TMEM132D: variants seen among roughly 807,000 people sequenced by gnomAD.
TMEM132D encodes transmembrane protein 132D.
Under a neutral mutation model 62.3 loss-of-function variants are expected in TMEM132D, and 21 were observed. The ratio of observed to expected loss-of-function variants is 0.34; its 90% CI spans 0.24 to 0.49. The LOEUF is 0.49. TMEM132D is among the 20% of genes least tolerant of loss of function. The pLI is 0.99. For missense variants in TMEM132D, 1,346 were observed against 1,402.8 expected (o/e 0.96, Z 0.65); for synonymous variants, 621 against 575.6 (o/e 1.08, Z -1.13).
At chr12:129,714,677 T>G (rs1335982378) in intron 1 of TMEM132D, among the ~76,000 whole-genome samples, 2 of 152,212 alleles carry the variant, frequency 1.3e-5, no homozygotes, top group Non-Finnish European at 2.9e-5. Flanking sequence ...AACATCACAC[T>G]GTACATTGTA....
chr12:129,268,168 G>T (rs1317249386), intron 4 of TMEM132D, among the ~76,000 whole-genome samples: 4 of 152,170 alleles, frequency 2.6e-5, no homozygotes, highest in South Asian at 2.1e-4. Flanking sequence ...GGCAACCAAA[G>T]CCAAAATTGA....
chr12:129,438,408 A>T (rs1259541613), intron 3 of TMEM132D, among the ~76,000 whole-genome samples: 1 of 152,222 alleles, frequency 6.6e-6, no homozygotes, highest in African/African-American at 2.4e-5. Context: ...TGTGTTGTAT[A>T]TTCATATAAT....
At chr12:129,472,987 C>T (rs1212133973) in intron 3 of TMEM132D, among the ~76,000 whole-genome samples, 22 of 151,950 alleles carry the variant, frequency 1.4e-4, no homozygotes. Flanking sequence ...GCCTCAGCCT[C>T]CTGAGCAGCT....
chr12:129,368,519 T>C (rs1870496502), intron 3 of TMEM132D, among the ~76,000 whole-genome samples: 1 of 152,186 alleles, frequency 6.6e-6, no homozygotes, highest in South Asian at 2.1e-4. Flanking sequence ...TCTCTCTCCC[T>C]CTCTCCCTCC....
At chr12:129,484,019 G>T (rs1310976232) in intron 3 of TMEM132D, among the ~76,000 whole-genome samples, 2 of 152,008 alleles carry the variant, frequency 1.3e-5, no homozygotes, top group Admixed American at 1.3e-4. Context: ...ACTCAGGCTG[G>T]AGTGCCATGG....
intron 2 of TMEM132D, among the ~76,000 whole-genome samples, chr12:129,658,619 T>C (rs561645582): frequency 6.6e-6 from 1 of 152,282 alleles, no homozygotes; most frequent in African/African-American, 2.4e-5. Flanking sequence ...TAGAGTATAA[T>C]GGGAGTGACA....
At chr12:129,347,403 C>T (rs1869722511) in intron 3 of TMEM132D, among the ~76,000 whole-genome samples, 1 of 152,126 alleles carries the variant, frequency 6.6e-6, no homozygotes, top group Non-Finnish European at 1.5e-5. Context: ...GAAATAACAC[C>T]ACACATCTAC....
intron 5 of TMEM132D, among the ~76,000 whole-genome samples, chr12:129,161,988 AT>A (rs1460205844): frequency 3.3e-5 from 5 of 152,096 alleles, no homozygotes; most frequent in Non-Finnish European, 5.9e-5. Flanking sequence ...AGCCCTGACA[AT>A]TTTGTTGGGA....
intron 3 of TMEM132D, among the ~76,000 whole-genome samples, chr12:129,406,314 T>C (rs1170612141): frequency 1.3e-5 from 2 of 152,212 alleles, no homozygotes; most frequent in African/African-American, 2.4e-5. Context: ...CATATGTATA[T>C]GCAATGTAGA....
chr12:129,088,866 C>CG (rs1470435023), intron 5 of TMEM132D, among the ~76,000 whole-genome samples: 2 of 29,702 alleles, frequency 6.7e-5, no homozygotes, highest in African/African-American at 6.0e-4. Context: ...CCTCCATGAC[C>CG]GGGTGTCCTC....
chr12:129,139,310 C>T (rs576863118), intron 5 of TMEM132D, among the ~76,000 whole-genome samples: 1 of 152,280 alleles, frequency 6.6e-6, no homozygotes, highest in African/African-American at 2.4e-5. Flanking sequence ...TTTTCAGTTG[C>T]TGTCACATGC....
chr12:129,742,934 C>T (rs975427056), intron 1 of TMEM132D, among the ~76,000 whole-genome samples: 1 of 152,352 alleles, frequency 6.6e-6, no homozygotes, highest in Admixed American at 6.5e-5. Context: ...ACCAAGTAAT[C>T]TGACCTGGTA....
chr12:129,830,572 T>C (rs2137333562), intron 1 of TMEM132D, among the ~76,000 whole-genome samples: 1 of 152,254 alleles, frequency 6.6e-6, no homozygotes, highest in South Asian at 2.1e-4. Flanking sequence ...ATGGAACCAG[T>C]ATCCTTCTTC....
chr12:129,231,061 A>G (rs1240321916), intron 4 of TMEM132D, among the ~76,000 whole-genome samples: 1 of 152,216 alleles, frequency 6.6e-6, no homozygotes, highest in Admixed American at 6.5e-5. Flanking sequence ...TCACTCTCAG[A>G]AATCCTCCCT....
At chr12:129,808,214 C>A (rs915738438) in intron 1 of TMEM132D, among the ~76,000 whole-genome samples, 2 of 152,190 alleles carry the variant, frequency 1.3e-5, no homozygotes, top group African/African-American at 4.8e-5. Context: ...TCTCTCTCAT[C>A]GTCTCTAACG....
chr12:129,617,456 T>A (rs1164832886), intron 2 of TMEM132D, among the ~76,000 whole-genome samples: 9 of 152,192 alleles, frequency 5.9e-5, no homozygotes, highest in Non-Finnish European at 1.0e-4. Flanking sequence ...TTTAACAGAA[T>A]GCCACAGACT....
At chr12:129,593,714 T>G (rs1308291835) in intron 2 of TMEM132D, among the ~76,000 whole-genome samples, 1 of 152,160 alleles carries the variant, frequency 6.6e-6, no homozygotes, top group Admixed American at 6.6e-5. Context: ...TATTGCAGAC[T>G]AAAATAAATT....
intron 2 of TMEM132D, among the ~76,000 whole-genome samples, chr12:129,546,749 C>T (rs1024215129): frequency 5.3e-5 from 8 of 151,020 alleles, no homozygotes; most frequent in South Asian, 2.1e-4. Context: ...TGCAGTGAGC[C>T]GAGATCATGC....
chr12:129,253,206 AAAAT>A (rs1880316343), intron 4 of TMEM132D, among the ~76,000 whole-genome samples: 2 of 150,898 alleles, frequency 1.3e-5, no homozygotes, highest in South Asian at 2.1e-4. Context: ...ATAATAAAAT[AAAAT>A]AAATAAAAAT....
Sources: allele counts gnomAD v4.1 joint callset (sites outside exome capture counted in the v4.1 genomes callset), GRCh38; gene constraint gnomAD v4.1.1; transcripts MANE v1.5; gene names NCBI Gene and HGNC (gene_info 2026-07-23, HGNC 2026-07-21).